The following KAT6B variants were observed in gnomAD, a reference collection of about 807,000 sequenced individuals.
The protein encoded by KAT6B is lysine acetyltransferase 6B.
In KAT6B, 10 loss-of-function variants were observed where a neutral mutation model predicts 187.5. The observed-to-expected ratio is 0.05, with a 90% CI of 0.03 to 0.09. The LOEUF (loss-of-function observed/expected upper bound fraction) is 0.09, where lower values mean the gene tolerates loss of function less well. Ranked by LOEUF, KAT6B falls within the 10% of genes least tolerant of loss-of-function variation. The pLI is 1.00. For missense variants in KAT6B, 1,952 were observed against 2,558.9 expected (o/e 0.76, Z 5.12); for synonymous variants, 861 against 926.8 (o/e 0.93, Z 1.29).
intron 3 of KAT6B, among the ~76,000 whole-genome samples, chr10:74,945,503 A>T (rs901016160): frequency 1.3e-5 from 2 of 152,178 alleles, no homozygotes; most frequent in Non-Finnish European, 2.9e-5. Flanking sequence ...TCACTCTGTC[A>T]TCCAGGCTGG....
rs952175316 is a variant in KAT6B at position 74,859,853 on chromosome 10, G to A, written c.621+16375G>A. On this transcript the variant is annotated intron_variant, in intron 3 of 17. Coordinates refer to ENST00000287239, the MANE Select transcript of KAT6B (RefSeq NM_012330.4). Reference sequence around the variant, plus strand: ...AATCACCCCTTTGTTGGAAAATTGTGTAATATCTTGATTTCAATTTAGCAT... The same window carrying A: ...AATCACCCCTTTGTTGGAAAATTGTATAATATCTTGATTTCAATTTAGCAT... Among the ~76,000 whole-genome samples, 43 of 152,184 alleles carry A rather than the reference G, an allele frequency of 2.8e-4. 3 individuals carry two copies.
chr10:74,859,105 A>G (rs980288866), intron 3 of KAT6B, among the ~76,000 whole-genome samples: 1 of 151,982 alleles, frequency 6.6e-6, no homozygotes, highest in African/African-American at 2.4e-5. Context: ...TATTTAGACA[A>G]CGTCTTGCTC....
At chr10:75,000,514 G>C (rs1016648082) in intron 13 of KAT6B, among the ~76,000 whole-genome samples, 1 of 152,106 alleles carries the variant, frequency 6.6e-6, no homozygotes, top group South Asian at 2.1e-4. Context: ...GCAGACGGAC[G>C]TGTAACTAAC....
At chr10:75,024,832 A>G (rs1402060551) in intron 16 of KAT6B, 126 bp from the exon 17 acceptor site, 1 of 843,756 alleles carries the variant, frequency 1.2e-6, no homozygotes, top group East Asian at 2.6e-5. Context: ...GTTAAGTACA[A>G]AGGCATTACA....
chr10:74,936,157 C>G (rs1042357771), intron 3 of KAT6B, among the ~76,000 whole-genome samples: 1 of 152,104 alleles, frequency 6.6e-6, no homozygotes, highest in African/African-American at 2.4e-5. Flanking sequence ...AATCCCAGCA[C>G]TTTGGGAGGC....
At position 74,974,084 on chromosome 10, in the gene KAT6B, C is replaced by G. The variant is rs1019960434; in HGVS notation, c.1062-1315C>G. On this transcript the variant is annotated intron_variant, in intron 7 of 17. Transcript: ENST00000287239. ...ATCGATTCCAGATACAATCCAAATG[C>G]AGCTTTCTGATGTGAAACATTTTTG... Among the ~76,000 whole-genome samples, 8 of 152,162 alleles carry G rather than the reference C, an allele frequency of 5.3e-5. No individual in the cohort carries two copies. In the East Asian group the frequency reaches 1.3e-3, roughly 26 times the overall value.
intron 3 of KAT6B, among the ~76,000 whole-genome samples, chr10:74,928,562 A>G (rs187887378): frequency 7.7e-4 from 118 of 152,320 alleles, no homozygotes; most frequent in African/African-American, 2.7e-3. Context: ...TTCATCAGGA[A>G]GAACAATTTG....
chr10:75,019,268 T>A (rs1162202046), intron 13 of KAT6B, among the ~76,000 whole-genome samples: 2 of 152,218 alleles, frequency 1.3e-5, no homozygotes, highest in African/African-American at 4.8e-5. Flanking sequence ...AACCTGAAGT[T>A]AAATTTACGC....
At chr10:74,833,520 T>G (rs1490108123) in intron 1 of KAT6B, among the ~76,000 whole-genome samples, 1 of 152,230 alleles carries the variant, frequency 6.6e-6, no homozygotes, top group Non-Finnish European at 1.5e-5. Flanking sequence ...ACCTAATTCA[T>G]GGGTTTCACC....
chr10:74,835,721 A>G (rs1208809779), intron 1 of KAT6B, among the ~76,000 whole-genome samples: 3 of 152,202 alleles, frequency 2.0e-5, no homozygotes, highest in Admixed American at 6.5e-5. Context: ...CTGATAATCT[A>G]TGTAAAGTAC....
At chr10:74,861,400 A>C (rs925649671) in intron 3 of KAT6B, among the ~76,000 whole-genome samples, 1 of 152,262 alleles carries the variant, frequency 6.6e-6, no homozygotes, top group Non-Finnish European at 1.5e-5. Flanking sequence ...TGAAATTTTA[A>C]GAATGAATAA....
At chr10:74,842,216 T>C (rs1589450808) in intron 2 of KAT6B, among the ~76,000 whole-genome samples, 1 of 152,220 alleles carries the variant, frequency 6.6e-6, no homozygotes, top group South Asian at 2.1e-4. Context: ...TTGAAATAAG[T>C]TTAATGTACT....
rs1842493708 is a variant in KAT6B, at chr10:74,981,306, T to TTCCTTC, written c.2232-481_2232-480insTCCTTC. Among the ~76,000 whole-genome samples, 196 of 140,022 alleles carry TTCCTTC rather than the reference T, an allele frequency of 1.4e-3. 1 individual carries two copies. Among genetic ancestry groups the TTCCTTC allele is most frequent in the African/African-American group, 4.8e-3 (158 of 32,856 alleles). 91.9% of individuals were successfully genotyped at this position (140,022 alleles called of 152,430 possible). ...TATTGGCTGGCTTTCTTTCTTTCTT[T>TTCCTTC]CTTCCTTCCTTCCTTCCTTCCTTCC... is the stretch of plus-strand genomic sequence containing the variant. On this transcript the variant is annotated intron_variant, in intron 10 of 17. Transcript: ENST00000287239.
intron 11 of KAT6B, chr10:74,983,828 G>A (rs1382582539): frequency 2.6e-5 from 4 of 152,174 alleles, no homozygotes; most frequent in Admixed American, 1.3e-4. Flanking sequence ...CCCTATTCTA[G>A]AATCTGAGTT....
chr10:74,952,253 G>T (rs1223192026), intron 3 of KAT6B, among the ~76,000 whole-genome samples: 4 of 144,144 alleles, frequency 2.8e-5, no homozygotes, highest in African/African-American at 1.0e-4. Context: ...TACTTGGGAG[G>T]CTGAGGCGGG....
chr10:75,029,768 C>T lies in KAT6B; in HGVS notation c.4944C>T (p.Pro1648=). The T allele has an allele frequency of 1.2e-6, 2 of 1,614,138 alleles. No homozygotes were observed. Among genetic ancestry groups the T allele is most frequent in the Non-Finnish European group, 1.7e-6 (2 of 1,179,996 alleles). ...VPSLQNMETS[P]MMDVPSVSDH... Reference sequence around the variant, plus strand: ...CTCTGCAGAACATGGAAACCAGTCCCATGATGGATGTCCCATCAGTTTCAG... The same window carrying T: ...CTCTGCAGAACATGGAAACCAGTCCTATGATGGATGTCCCATCAGTTTCAG... The change falls in exon 18 of 18, where the codon CCC becomes CCT. Residue 1648 remains proline, a synonymous_variant. Coordinates refer to ENST00000287239, the MANE Select transcript of KAT6B (RefSeq NM_012330.4). The surrounding 1 kb of genome is among the most constrained non-coding windows in gnomAD (Gnocchi z 6.2).
At chr10:74,834,046 A>T (rs929130674) in intron 1 of KAT6B, among the ~76,000 whole-genome samples, 3 of 152,154 alleles carry the variant, frequency 2.0e-5, no homozygotes, top group Non-Finnish European at 4.4e-5. Flanking sequence ...GATGGCTACT[A>T]TTGCCAGAGT....
At chr10:74,948,346 A>G (rs1466791293) in intron 3 of KAT6B, among the ~76,000 whole-genome samples, 1 of 152,266 alleles carries the variant, frequency 6.6e-6, no homozygotes, top group East Asian at 1.9e-4. Context: ...AATAGCACAT[A>G]ACATCTCAAC....
chr10:74,948,037 C>G (rs1358272625), intron 3 of KAT6B, among the ~76,000 whole-genome samples: 1 of 152,204 alleles, frequency 6.6e-6, no homozygotes, highest in East Asian at 1.9e-4. Flanking sequence ...CTCCAAAAAA[C>G]AAGGTCAGAG....
Sources: allele counts gnomAD v4.1 joint callset (sites outside exome capture counted in the v4.1 genomes callset), GRCh38; gene constraint gnomAD v4.1.1; non-coding constraint Gnocchi (gnomAD v3.1); transcripts MANE v1.5; gene names NCBI Gene and HGNC (gene_info 2026-07-23, HGNC 2026-07-21).